The following C12orf50 variants were observed in gnomAD, a reference collection of about 807,000 sequenced individuals.
C12orf50 encodes the protein zinc finger CCCH-type containing 11D.
In C12orf50, 35 loss-of-function variants were observed where a neutral mutation model predicts 61.6. That is an observed-to-expected ratio of 0.57 (90% CI 0.43 to 0.75). The LOEUF (loss-of-function observed/expected upper bound fraction) is 0.75, where lower values mean the gene tolerates loss of function less well. Ranked by LOEUF, C12orf50 falls within the 30% of genes least tolerant of loss-of-function variation. C12orf50 has a pLI of 0.00. For synonymous variants in C12orf50, 178 were observed against 161.5 expected (o/e 1.10, Z -0.77); for missense variants, 475 against 488.5 (o/e 0.97, Z 0.26).
chr12:88,007,010 AT>A (rs1431040938), intron 3 of C12orf50, among the ~76,000 whole-genome samples: 1 of 152,210 alleles, frequency 6.6e-6, no homozygotes, highest in Non-Finnish European at 1.5e-5. Flanking sequence ...ACTTGGAAAC[AT>A]TTTTAACATA....
At chr12:88,009,847 A>G (rs931901813) in intron 3 of C12orf50, among the ~76,000 whole-genome samples, 3 of 152,144 alleles carry the variant, frequency 2.0e-5, no homozygotes, top group African/African-American at 7.2e-5. Context: ...TTTGATAAAT[A>G]CAAATTTTAA....
chr12:88,014,524 C>T (rs2032239540), intron 3 of C12orf50, among the ~76,000 whole-genome samples: 2 of 152,242 alleles, frequency 1.3e-5, no homozygotes, highest in Admixed American at 1.3e-4. Context: ...TGGTCTCGAT[C>T]TCCTGACCTC....
chr12:88,001,465 G>T (rs1290796135), intron 3 of C12orf50, among the ~76,000 whole-genome samples: 4 of 150,418 alleles, frequency 2.7e-5, no homozygotes, highest in Admixed American at 1.3e-4. Context: ...GGAAAAGTTT[G>T]GTCTGCAGTT....
Position 87,996,597 on chromosome 12 carries a change from T to G in C12orf50, c.339A>C (p.Arg113Ser). 2 of 1,609,910 alleles carry G rather than the reference T, an allele frequency of 1.2e-6. No individual in the cohort carries two copies. Among genetic ancestry groups the G allele is most frequent in the Non-Finnish European group, 1.7e-6 (2 of 1,176,566 alleles). ...ATTTATAACACATCTCCTTTATTGC[T>G]CTTTTTTCTTCAATTTCTTCAGGGG... ...TKTPEEIEEKRAIKEMCYKSG... is the reference protein window; with the variant it reads ...TKTPEEIEEKSAIKEMCYKSG... The change falls in exon 5 of 13, where the codon AGA (arginine) becomes AGC (serine). Residue 113 changes from arginine to serine, a missense_variant. By Grantham distance (110) the Arg-to-Ser change is moderately radical. Coordinates refer to ENST00000298699, the MANE Select transcript of C12orf50 (RefSeq NM_152589.3).
At chr12:88,014,514 T>C (rs998531548) in intron 3 of C12orf50, among the ~76,000 whole-genome samples, 1 of 152,252 alleles carries the variant, frequency 6.6e-6, no homozygotes, top group South Asian at 2.1e-4. Context: ...TGAGCCAGGA[T>C]GGTCTCGATC....
chr12:88,028,883 T>A (rs2136513679), intron 1 of C12orf50, among the ~76,000 whole-genome samples: 1 of 152,276 alleles, frequency 6.6e-6, no homozygotes, highest in South Asian at 2.1e-4. Context: ...TATCTCAGAT[T>A]TCTTCAGAGA....
intron 6 of C12orf50, among the ~76,000 whole-genome samples, chr12:87,995,906 G>T (rs2031366410): frequency 6.6e-6 from 1 of 152,144 alleles, no homozygotes; most frequent in African/African-American, 2.4e-5. Context: ...CAGAGCCTTC[G>T]ATTTGTTCTC....
At chr12:87,989,544 T>C (rs578052675) in intron 7 of C12orf50, among the ~76,000 whole-genome samples, 173 bp from the exon 8 acceptor site, 72 of 152,220 alleles carry the variant, frequency 4.7e-4, no homozygotes, top group African/African-American at 1.6e-3. Context: ...ACATGAGTAT[T>C]AATATATATG....
chr12:88,024,758 C>T (rs1396865180), intron 3 of C12orf50, among the ~76,000 whole-genome samples: 2 of 151,960 alleles, frequency 1.3e-5, no homozygotes, highest in Admixed American at 6.6e-5. Flanking sequence ...ACATGTACCC[C>T]AGAACCTAAA....
chr12:88,011,899 C>T (rs1487749241), intron 3 of C12orf50, among the ~76,000 whole-genome samples: 1 of 152,130 alleles, frequency 6.6e-6, no homozygotes, highest in Non-Finnish European at 1.5e-5. Flanking sequence ...CTCCTTAAAA[C>T]CGGTAATATA....
intron 3 of C12orf50, among the ~76,000 whole-genome samples, chr12:87,999,288 G>A (rs2031552534): frequency 6.6e-6 from 1 of 152,154 alleles, no homozygotes; most frequent in Admixed American, 6.6e-5. Context: ...AGCCAAGTGT[G>A]ATGGCGCACA....
intron 3 of C12orf50, among the ~76,000 whole-genome samples, chr12:88,022,861 C>A (rs905588519): frequency 6.6e-5 from 10 of 152,030 alleles, no homozygotes; most frequent in African/African-American, 2.4e-4. Flanking sequence ...AGAGATGATG[C>A]AAACAAATGG....
intron 3 of C12orf50, among the ~76,000 whole-genome samples, chr12:88,011,149 A>G (rs1290894235): frequency 6.6e-6 from 1 of 152,046 alleles, no homozygotes; most frequent in Non-Finnish European, 1.5e-5. Context: ...TGTAGTGATT[A>G]CCTATTATTT....
intron 9 of C12orf50, among the ~76,000 whole-genome samples, chr12:87,986,763 CTTA>C (rs1339593054): frequency 1.3e-5 from 2 of 151,996 alleles, no homozygotes; most frequent in African/African-American, 4.8e-5. Flanking sequence ...TTTTAGAACT[CTTA>C]TTTTCAACAT....
chr12:88,024,835 T>G (rs1213761439), intron 3 of C12orf50, among the ~76,000 whole-genome samples: 1 of 151,858 alleles, frequency 6.6e-6, no homozygotes, highest in Non-Finnish European at 1.5e-5. Flanking sequence ...GATAGGAAAA[T>G]TATGTCAAGA....
chr12:87,996,300 A>G lies in C12orf50; in HGVS notation c.481+74T>C. The G allele has an allele frequency of 2.9e-6, 3 of 1,017,882 alleles. No individual in the cohort carries two copies. In the South Asian group the frequency reaches 4.2e-5, roughly 14 times the overall value. The allele number at this position is 1,017,882 out of a possible 1,614,324, so 63.1% of individuals were successfully genotyped here. Reference sequence around the variant, plus strand: ...TTATCACTTTATTCTTCTGTACATCATACTAAATAATTCAGTCTATCACAC... The same window carrying G: ...TTATCACTTTATTCTTCTGTACATCGTACTAAATAATTCAGTCTATCACAC... On this transcript the variant is annotated intron_variant, in intron 6 of 12. Transcript: ENST00000298699.
intron 3 of C12orf50, among the ~76,000 whole-genome samples, chr12:88,021,606 C>A (rs1347055489): frequency 6.6e-6 from 1 of 151,954 alleles, no homozygotes; most frequent in Non-Finnish European, 1.5e-5. Context: ...CCACTGCATT[C>A]CAGTCTGGGT....
chr12:88,000,768 C>T (rs888801357), intron 3 of C12orf50, among the ~76,000 whole-genome samples: 2 of 151,518 alleles, frequency 1.3e-5, no homozygotes, highest in African/African-American at 4.8e-5. Flanking sequence ...AAATTAATTC[C>T]TAAATATTTT....
At chr12:88,011,499 A>T (rs1264154546) in intron 3 of C12orf50, among the ~76,000 whole-genome samples, 1 of 152,206 alleles carries the variant, frequency 6.6e-6, no homozygotes, top group African/African-American at 2.4e-5. Context: ...CTCTTTGCCA[A>T]GAATTCTAAA....
Sources: gnomAD v4.1 joint callset for allele counts (sites outside exome capture counted in the v4.1 genomes callset) on GRCh38, gnomAD v4.1.1 for gene constraint, MANE v1.5 for transcripts, NCBI Gene and HGNC (gene_info 2026-07-23, HGNC 2026-07-21) for gene names.